Variants in FAM219A observed in about 807,000 individuals in gnomAD.
The protein encoded by FAM219A is protein FAM219A.
Under a neutral mutation model 23.4 loss-of-function variants are expected in FAM219A, and 7 were observed. The observed-to-expected ratio is 0.30, with a 90% CI of 0.17 to 0.56. The LOEUF is 0.56. Ranked by LOEUF, FAM219A falls within the 20% of genes least tolerant of loss-of-function variation. The probability of loss-of-function intolerance (pLI) is 0.92; values close to 1 mark genes in which losing one functional copy is unlikely to be tolerated. For synonymous variants in FAM219A, 93 were observed against 99.0 expected, an observed-to-expected ratio of 0.94 and a Z score of 0.36; for missense variants, 166 against 246.9, an observed-to-expected ratio of 0.67 and a Z score of 2.20.
intron 1 of FAM219A, among the ~76,000 whole-genome samples, chr9:34,414,586 A>C (rs1821933798): frequency 6.6e-6 from 1 of 152,276 alleles, no homozygotes; most frequent in Non-Finnish European, 1.5e-5. Context: ...AGGGAAAGAC[A>C]AAGACTTCTT....
chr9:34,416,183 A>AAAAGAAAGAAAGAAAG (rs757662813), intron 1 of FAM219A, among the ~76,000 whole-genome samples: 61 of 64,084 alleles, frequency 9.5e-4, no homozygotes, highest in East Asian at 2.4e-3. Context: ...GAAGAAAGAG[A>AAAAGAAAGAAAGAAAG]AAAGAAAGAA....
chr9:34,401,609 C>A (rs565413462), intron 5 of FAM219A, 57 bp downstream of exon 5: 9 of 1,566,624 alleles, frequency 5.7e-6, no homozygotes, highest in Non-Finnish European at 7.8e-6. Flanking sequence ...AGCCCTCCCC[C>A]GGGATGGCAG....
chr9:34,418,242 G>T (rs1178907518), intron 1 of FAM219A, among the ~76,000 whole-genome samples: 1 of 152,020 alleles, frequency 6.6e-6, no homozygotes, highest in African/African-American at 2.4e-5. Flanking sequence ...TGAAGAGACA[G>T]GGGGCCAAAG....
At chr9:34,428,881 C>G (rs375349040) in intron 1 of FAM219A, among the ~76,000 whole-genome samples, 16 of 152,354 alleles carry the variant, frequency 1.1e-4, no homozygotes, top group Admixed American at 4.6e-4. Context: ...CTGCTGGAAG[C>G]TGGAATGTGC....
At chr9:34,440,851 A>C (rs1823142509) in intron 1 of FAM219A, among the ~76,000 whole-genome samples, 1 of 136,956 alleles carries the variant, frequency 7.3e-6, no homozygotes, top group Non-Finnish European at 1.6e-5. Flanking sequence ...ACTCGGTCTC[A>C]AAAAAAAAAA....
At chr9:34,448,676 C>A (rs1269673040) in intron 1 of FAM219A, among the ~76,000 whole-genome samples, 1 of 152,174 alleles carries the variant, frequency 6.6e-6, no homozygotes, top group South Asian at 2.1e-4. Context: ...TGGGATTCTT[C>A]CTGATAAAAG....
Position 34,402,864 on chromosome 9 carries a change from C to G in FAM219A, c.161-57G>C, listed in dbSNP as rs185150251. On this transcript the variant is annotated intron_variant, in intron 2 of 5. Coordinates refer to ENST00000651358, the MANE Select transcript of FAM219A (RefSeq NM_001184940.2). ...CTGCCCCTGAGGCCACCCTGTCTTACTACTCAGGGCAGCCTGGGCTGGGCC... is the reference window on the plus strand; with the variant it reads ...CTGCCCCTGAGGCCACCCTGTCTTAGTACTCAGGGCAGCCTGGGCTGGGCC... 2.0e-4 allele frequency: 312 copies of G among 1,527,830 alleles called. No homozygotes were observed. In the African/African-American group the frequency reaches 3.8e-3, roughly 19 times the overall value. The allele number at this position is 1,527,830 out of a possible 1,614,324, so 94.6% of individuals were successfully genotyped here. A position where few individuals can be genotyped will look rare whatever the true frequency, so the allele number is the denominator to read the frequency against.
intron 1 of FAM219A, among the ~76,000 whole-genome samples, chr9:34,434,962 G>C (rs745955108): frequency 6.6e-6 from 1 of 152,144 alleles, no homozygotes; most frequent in East Asian, 1.9e-4. Context: ...TGGGACTACA[G>C]GCATGTGCCA....
intron 1 of FAM219A, among the ~76,000 whole-genome samples, chr9:34,425,572 T>C (rs1214663414): frequency 1.3e-5 from 2 of 152,256 alleles, no homozygotes; most frequent in African/African-American, 4.8e-5. Context: ...GTCAGTAACC[T>C]GCATGCCTCC....
At chr9:34,440,145 A>C (rs1823112781) in intron 1 of FAM219A, among the ~76,000 whole-genome samples, 1 of 152,220 alleles carries the variant, frequency 6.6e-6, no homozygotes, top group African/African-American at 2.4e-5. Flanking sequence ...CTGGGTGGTC[A>C]GCTGTCACTG....
At chr9:34,440,868 A>ATT (rs913748128) in intron 1 of FAM219A, among the ~76,000 whole-genome samples, 240 of 151,348 alleles carry the variant, frequency 1.6e-3, no homozygotes, top group East Asian at 0.015. Flanking sequence ...AAAAAAAAAA[A>ATT]TTTTTAAAGA....
rs1411635235 is a variant in FAM219A, at chr9:34,417,824, C to CA, written c.61-11861dup. 6.6e-6 allele frequency among the ~76,000 whole-genome samples: 1 copy of CA among 152,122 alleles called. No individual in the cohort carries two copies. Among genetic ancestry groups the CA allele is most frequent in the East Asian group, 1.9e-4 (1 of 5,198 alleles). Reference sequence around the variant, plus strand: ...TTTCCTCTGGGCATCACCTGCCAGACAAAATACTCCTGACTTGAGGCCACC... The same window carrying CA: ...TTTCCTCTGGGCATCACCTGCCAGACAAAAATACTCCTGACTTGAGGCCACC... On this transcript the variant is annotated intron_variant, in intron 1 of 5. Coordinates refer to ENST00000651358, the MANE Select transcript of FAM219A (RefSeq NM_001184940.2). The surrounding 1 kb of genome is among the most constrained non-coding windows in gnomAD (Gnocchi z 4.1).
intron 1 of FAM219A, among the ~76,000 whole-genome samples, chr9:34,440,984 G>A (rs918383850): frequency 3.9e-5 from 6 of 151,966 alleles, no homozygotes; most frequent in Non-Finnish European, 5.9e-5. Context: ...GATCCTCCTT[G>A]AGCCTCTCGA....
chr9:34,418,746 G>A (rs1296715429), intron 1 of FAM219A, among the ~76,000 whole-genome samples: 2 of 152,080 alleles, frequency 1.3e-5, no homozygotes, highest in Admixed American at 6.6e-5. Context: ...AAGGAGTTAA[G>A]GTACAAAGTT....
chr9:34,418,055 G>A (rs750448237), intron 1 of FAM219A, among the ~76,000 whole-genome samples: 2 of 152,168 alleles, frequency 1.3e-5, no homozygotes, highest in Non-Finnish European at 2.9e-5. Context: ...ATGTGGGGTG[G>A]GAGAATTAAC....
chr9:34,451,216 C>T (rs1436444786), intron 1 of FAM219A, among the ~76,000 whole-genome samples: 2 of 152,284 alleles, frequency 1.3e-5, no homozygotes, highest in East Asian at 1.9e-4. Context: ...GTTGATTTGG[C>T]TGTCCCACAG....
At chr9:34,456,210 A>T (rs1220625644) in intron 1 of FAM219A, among the ~76,000 whole-genome samples, 1 of 152,146 alleles carries the variant, frequency 6.6e-6, no homozygotes, top group Non-Finnish European at 1.5e-5. Context: ...AAGAAAAAAA[A>T]GTATTCTCTT....
rs373386812 is a variant in FAM219A at position 34,428,355 on chromosome 9, T to G, written c.61-22391A>C. On this transcript the variant is annotated intron_variant, in intron 1 of 5. Transcript: ENST00000651358. ...GAGTAGGGCCTATGAACAGTTTACC[T>G]GTGAACTGCACTGACTCTGAGAGTC... Among the ~76,000 whole-genome samples, 17 of 152,322 alleles carry G rather than the reference T, an allele frequency of 1.1e-4. No homozygotes were observed. In the East Asian group the frequency reaches 3.3e-3, roughly 29 times the overall value.
intron 1 of FAM219A, among the ~76,000 whole-genome samples, chr9:34,438,161 G>C (rs1177816690): frequency 6.6e-6 from 1 of 152,230 alleles, no homozygotes; most frequent in African/African-American, 2.4e-5. Flanking sequence ...CTGCCTTCCT[G>C]CGGGGCAGGG....
Sources: gnomAD v4.1 joint callset for allele counts (sites outside exome capture counted in the v4.1 genomes callset) on GRCh38, gnomAD v4.1.1 for gene constraint, Gnocchi (gnomAD v3.1) non-coding constraint, MANE v1.5 for transcripts, NCBI Gene and HGNC (gene_info 2026-07-23, HGNC 2026-07-21) for gene names.